The following FAT3 variants were observed in gnomAD, a reference collection of about 807,000 sequenced individuals.
FAT3 encodes the protein FAT atypical cadherin 3.
In FAT3, 95 loss-of-function variants were observed where a neutral mutation model predicts 310.2. The ratio of observed to expected loss-of-function variants is 0.31; its 90% CI spans 0.26 to 0.36. The LOEUF (loss-of-function observed/expected upper bound fraction) is 0.36, where lower values mean the gene tolerates loss of function less well. Among genes scored for constraint, FAT3 ranks in the 10% least tolerant of loss-of-function variants. The probability of loss-of-function intolerance (pLI) is 1.00; values close to 1 mark genes in which losing one functional copy is unlikely to be tolerated. For missense variants in FAT3, 5,408 were observed against 5,715.6 expected (o/e 0.95, Z 1.74); for synonymous variants, 2,314 against 2,192.9 (o/e 1.06, Z -1.54).
chr11:92,729,048 G>T (rs1328163462), intron 4 of FAT3, among the ~76,000 whole-genome samples: 1 of 152,168 alleles, frequency 6.6e-6, no homozygotes, highest in East Asian at 1.9e-4. Context: ...CATTGTTTCT[G>T]TTGAGAATCA....
Position 92,637,558 on chromosome 11 carries a change from A to C in FAT3, c.3608-59826A>C, listed in dbSNP as rs74942954. 2.7e-3 allele frequency among the ~76,000 whole-genome samples: 413 copies of C among 152,318 alleles called. 6 individuals are homozygous for C. Among genetic ancestry groups the C allele is most frequent in the African/African-American group, 9.7e-3 (403 of 41,572 alleles). ...GTCATTAATGGCACTGAAGTCACAA[A>C]TGCCTTTCTCAGAGAAGGGCTTGGC... On this transcript the variant is annotated intron_variant, in intron 3 of 27. Coordinates refer to ENST00000525166, the MANE Select transcript of FAT3 (RefSeq NM_001367949.2).
intron 2 of FAT3, among the ~76,000 whole-genome samples, chr11:92,415,660 T>A (rs1466597205): frequency 3.3e-5 from 5 of 152,080 alleles, no homozygotes; most frequent in African/African-American, 1.2e-4. Context: ...ATAAATCCAT[T>A]TGCCAGCAGA....
intron 2 of FAT3, among the ~76,000 whole-genome samples, chr11:92,373,399 C>G (rs944039481): frequency 2.4e-4 from 36 of 152,160 alleles, no homozygotes; most frequent in Non-Finnish European, 1.3e-4. Flanking sequence ...AAGGCTATAA[C>G]TCAGCCTCGT....
Position 92,835,417 on chromosome 11 carries a change from G to T in FAT3, c.10086+333G>T, listed in dbSNP as rs181934794. On this transcript the variant is annotated intron_variant, in intron 15 of 27. Coordinates refer to ENST00000525166, the MANE Select transcript of FAT3 (RefSeq NM_001367949.2). ...TGTGAACTTATATGACAGGTTATTA[G>T]GTGGCTAGGAGGAATATATTCTTTT... Among the ~76,000 whole-genome samples, 26 of 152,216 alleles carry T rather than the reference G, an allele frequency of 1.7e-4. 1 individual carries two copies. The East Asian group carries it at 2.9e-3, about 17-fold the overall frequency.
rs373625102 is a variant in FAT3 at position 92,799,544 on chromosome 11, T to A, written c.6531T>A (p.Thr2177=). The change falls in exon 10 of 28, where the codon ACT becomes ACA. Residue 2177 remains threonine (T), a synonymous_variant. Coordinates refer to ENST00000525166, the MANE Select transcript of FAT3 (RefSeq NM_001367949.2). ...SLSTSVELPI[T]IVNKAMPVFD... is the part of the protein sequence containing the mutation. ...CTACATCTGTGGAGCTTCCCATCAC[T>A]ATTGTCAACAAAGCAATGCCTGTGT... 291 of 1,613,698 alleles carry A rather than the reference T, an allele frequency of 1.8e-4. 1 individual carries two copies. The highest frequency in any genetic ancestry group is 2.2e-4 in the Non-Finnish European group (262 of 1,179,860).
At chr11:92,226,777 C>T (rs1159592705) in intron 1 of FAT3, among the ~76,000 whole-genome samples, 6 of 152,060 alleles carry the variant, frequency 3.9e-5, no homozygotes, top group Non-Finnish European at 8.8e-5. Flanking sequence ...CAGCTCCATC[C>T]CGCCGCCGCC....
intron 1 of FAT3, among the ~76,000 whole-genome samples, chr11:92,263,798 C>T (rs984133525): frequency 1.3e-5 from 2 of 151,876 alleles, no homozygotes; most frequent in African/African-American, 2.4e-5. Context: ...TAATTTTCTC[C>T]CTCCCTTTTT....
intron 3 of FAT3, among the ~76,000 whole-genome samples, chr11:92,563,433 A>G (rs1260947688): frequency 3.3e-5 from 5 of 152,200 alleles, no homozygotes; most frequent in South Asian, 2.1e-4. Context: ...ATAGATTTAT[A>G]TTAGTCAACT....
At chr11:92,874,155 C>T (rs1056007304) in intron 22 of FAT3, among the ~76,000 whole-genome samples, 6 of 152,110 alleles carry the variant, frequency 3.9e-5, no homozygotes, top group Non-Finnish European at 5.9e-5. Context: ...TTTAAGAATA[C>T]GTTGAGATCA....
At chr11:92,461,613 C>G (rs576940275) in intron 2 of FAT3, among the ~76,000 whole-genome samples, 1 of 151,908 alleles carries the variant, frequency 6.6e-6, no homozygotes, top group South Asian at 2.1e-4. Context: ...GACAAGGTGT[C>G]GGGAGAGACC....
At chr11:92,324,463 G>C (rs944108187) in intron 1 of FAT3, among the ~76,000 whole-genome samples, 2 of 152,184 alleles carry the variant, frequency 1.3e-5, no homozygotes, top group Non-Finnish European at 2.9e-5. Flanking sequence ...CCCGAGGAGA[G>C]GGAGAGAGAT....
intron 3 of FAT3, among the ~76,000 whole-genome samples, chr11:92,634,168 C>T (rs2135710330): frequency 6.6e-6 from 1 of 152,318 alleles, no homozygotes; most frequent in African/African-American, 2.4e-5. Flanking sequence ...AAATGGGTAG[C>T]ATCCCAAACA....
Position 92,840,605 on chromosome 11 carries a change from C to T in FAT3, c.10412C>T (p.Thr3471Ile). 3 of 1,608,754 alleles carry T rather than the reference C, an allele frequency of 1.9e-6. No individual in the cohort carries two copies. The highest frequency in any genetic ancestry group is 1.7e-4 in the Middle Eastern group (1 of 6,048). ...ACCAGCATCTTGCAGCTGGTGGTGA[C>T]AGACAGAGACTCCTTTCACAATGGG... ...VGTSILQLVV[T>I]DRDSFHNGPP... The change falls in exon 18 of 28, where the codon ACA becomes ATA. Residue 3471 changes from threonine (T) to isoleucine (I), a missense_variant. This residue lies in a region of FAT3 where 4,588 missense variants were observed against 4,809.8 expected (regional missense o/e 0.95). Coordinates refer to ENST00000525166, the MANE Select transcript of FAT3 (RefSeq NM_001367949.2).
chr11:92,699,382 A>G (rs1053564755), intron 4 of FAT3, among the ~76,000 whole-genome samples: 1 of 152,200 alleles, frequency 6.6e-6, no homozygotes, highest in African/African-American at 2.4e-5. Flanking sequence ...AGAAGTAACA[A>G]ATGTTTAAGA....
chr11:92,766,305 C>T (rs1372414919), intron 6 of FAT3, among the ~76,000 whole-genome samples: 3 of 152,094 alleles, frequency 2.0e-5, no homozygotes, highest in Non-Finnish European at 2.9e-5. Context: ...CTGGGTTGAG[C>T]TAAAGCTGAC....
At chr11:92,530,431 G>A (rs999372281) in intron 3 of FAT3, among the ~76,000 whole-genome samples, 13 of 152,068 alleles carry the variant, frequency 8.5e-5, no homozygotes, top group African/African-American at 3.1e-4. Flanking sequence ...AACATCTTAC[G>A]GGGCTGAGGT....
chr11:92,442,111 A>T (rs4486589), intron 2 of FAT3, among the ~76,000 whole-genome samples: 37,703 of 45,608 alleles, frequency 0.83, 16,410 homozygotes, highest in East Asian at 0.89. Context: ...ATATATATAT[A>T]TTTTTTTTTT....
intron 3 of FAT3, among the ~76,000 whole-genome samples, chr11:92,577,647 G>A (rs1938557412): frequency 6.6e-6 from 1 of 152,014 alleles, no homozygotes; most frequent in East Asian, 1.9e-4. Context: ...TGTGCAGTAA[G>A]ACTTTTAATT....
At chr11:92,583,077 T>G (rs1591483447) in intron 3 of FAT3, among the ~76,000 whole-genome samples, 1 of 134,686 alleles carries the variant, frequency 7.4e-6, no homozygotes, top group South Asian at 2.4e-4. Context: ...CTTTGCAGAA[T>G]ATTTTTTTCA....
Sources: gnomAD v4.1 joint callset for allele counts (sites outside exome capture counted in the v4.1 genomes callset) on GRCh38, gnomAD v4.1.1 for gene constraint, gnomAD v4.1.1 regional missense constraint, MANE v1.5 for transcripts, NCBI Gene and HGNC (gene_info 2026-07-23, HGNC 2026-07-21) for gene names.